The following ELL variants were observed in gnomAD, a reference collection of about 807,000 sequenced individuals.
ELL encodes the protein RNA polymerase II elongation factor ELL.
In ELL, 18 loss-of-function variants were observed where a neutral mutation model predicts 64.0. The observed-to-expected ratio is 0.28, with a 90% CI of 0.19 to 0.42. The LOEUF is 0.42. Ranked by LOEUF, ELL falls within the 10% of genes least tolerant of loss-of-function variation. ELL has a pLI of 1.00. For synonymous variants in ELL, 399 were observed against 376.2 expected (o/e 1.06, Z -0.70); for missense variants, 797 against 870.4 (o/e 0.92, Z 1.06).
intron 1 of ELL, among the ~76,000 whole-genome samples, chr19:18,482,139 T>G (rs1174757720): frequency 6.6e-6 from 1 of 152,132 alleles, no homozygotes; most frequent in Non-Finnish European, 1.5e-5. Flanking sequence ...TTTTACAGGC[T>G]AATGTGCCAT....
chr19:18,499,174 G>A (rs1451921283), intron 1 of ELL, among the ~76,000 whole-genome samples: 2 of 152,314 alleles, frequency 1.3e-5, no homozygotes, highest in Middle Eastern at 3.4e-3. Flanking sequence ...TCCCAGCAGG[G>A]ATGGGAGGGC....
At chr19:18,512,845 G>T (rs1976054678) in intron 1 of ELL, among the ~76,000 whole-genome samples, 1 of 152,098 alleles carries the variant, frequency 6.6e-6, no homozygotes, top group Non-Finnish European at 1.5e-5. Flanking sequence ...ATTGTCAGTG[G>T]GAGCAGCGCC....
At chr19:18,499,547 T>C (rs1282956423) in intron 1 of ELL, among the ~76,000 whole-genome samples, 1 of 152,182 alleles carries the variant, frequency 6.6e-6, no homozygotes, top group Admixed American at 6.5e-5. Context: ...CGGGCCCCTG[T>C]AGACTTCCCA....
rs142001520 is a variant in ELL at position 18,474,383 on chromosome 19, C to A, written c.136-1501G>T. Reference sequence around the variant, plus strand: ...GGTCTACCAGGAGCCCCCTTCTTTGCCAAGTCTCTCCAAGGATTTTGCCAA... The same window carrying A: ...GGTCTACCAGGAGCCCCCTTCTTTGACAAGTCTCTCCAAGGATTTTGCCAA... On this transcript the variant is annotated intron_variant, in intron 1 of 11. Coordinates refer to ENST00000262809, the MANE Select transcript of ELL (RefSeq NM_006532.4). Among the ~76,000 whole-genome samples, 24 of 152,326 alleles carry A rather than the reference C, an allele frequency of 1.6e-4. No homozygotes were observed. The East Asian group carries it at 4.4e-3, about 28-fold the overall frequency.
intron 1 of ELL, among the ~76,000 whole-genome samples, chr19:18,490,825 C>A (rs1488598010): frequency 6.6e-6 from 1 of 152,188 alleles, no homozygotes; most frequent in Non-Finnish European, 1.5e-5. Flanking sequence ...CTGCCATCTG[C>A]AGTTTGGCTA....
At chr19:18,499,640 T>C (rs112651089) in intron 1 of ELL, among the ~76,000 whole-genome samples, 52 of 152,144 alleles carry the variant, frequency 3.4e-4, no homozygotes, top group Non-Finnish European at 5.7e-4. Flanking sequence ...TTCTCATCTG[T>C]AAAATGGGAA....
At chr19:18,518,431 A>G (rs1047651933) in intron 1 of ELL, among the ~76,000 whole-genome samples, 1 of 151,024 alleles carries the variant, frequency 6.6e-6, no homozygotes, top group Non-Finnish European at 1.5e-5. Flanking sequence ...TCGAGGCTGC[A>G]GTGAGCTATG....
At position 18,444,243 on chromosome 19, in the gene ELL, C is replaced by G. The variant is rs1974361227; in HGVS notation, c.*509G>C. ...GCCACCTGCCCATTCCCCACGCCCT[C>G]AGAACGCAGCTGCACCTTTCGACGA... On this transcript the variant is annotated 3_prime_UTR_variant, in exon 12 of 12. Coordinates refer to ENST00000262809, the MANE Select transcript of ELL (RefSeq NM_006532.4). 1 of 232,528 alleles carries G rather than the reference C, an allele frequency of 4.3e-6. No individual in the cohort carries two copies. Among genetic ancestry groups the G allele is most frequent in the Admixed American group, 5.6e-5 (1 of 17,770 alleles). The allele number at this position is 232,528 out of a possible 1,614,324, so 14.4% of individuals were successfully genotyped here.
chr19:18,464,475 C>T (rs144116271), intron 4 of ELL, among the ~76,000 whole-genome samples: 1 of 133,046 alleles, frequency 7.5e-6, no homozygotes, highest in East Asian at 2.0e-4. Context: ...ATGGACAACC[C>T]GGGCTCCCTG....
At chr19:18,471,318 T>C (rs1428910582) in intron 2 of ELL, 1 of 419,780 alleles carries the variant, frequency 2.4e-6, no homozygotes, top group Non-Finnish European at 4.7e-6. Context: ...AAAGCTGAAG[T>C]AAGCTATGGT....
At chr19:18,519,795 A>C (rs2144986142) in intron 1 of ELL, among the ~76,000 whole-genome samples, 1 of 148,518 alleles carries the variant, frequency 6.7e-6, no homozygotes, top group Non-Finnish European at 1.5e-5. Flanking sequence ...CAGCAGAGTG[A>C]AACTCCATCT....
At position 18,521,906 on chromosome 19, in the gene ELL, C is replaced by A. The variant is rs765992524; in HGVS notation, c.135+15G>T. ...GGACGTTCCCCACTGGCGCGCCGGGCGCCATGCCACTCACCTGTCTGGCGC... is the reference window on the plus strand; with the variant it reads ...GGACGTTCCCCACTGGCGCGCCGGGAGCCATGCCACTCACCTGTCTGGCGC... On this transcript the variant is annotated intron_variant, in intron 1 of 11. Transcript: ENST00000262809. 12 of 1,571,710 alleles carry A rather than the reference C, an allele frequency of 7.6e-6. No individual in the cohort carries two copies. Among genetic ancestry groups the A allele is most frequent in the Non-Finnish European group, 6.0e-6 (7 of 1,159,162 alleles).
chr19:18,496,313 T>G (rs890945530), intron 1 of ELL, among the ~76,000 whole-genome samples: 5 of 152,086 alleles, frequency 3.3e-5, no homozygotes, highest in African/African-American at 1.2e-4. Context: ...TCCAGAAAAC[T>G]CCCCTGCATG....
intron 2 of ELL, among the ~76,000 whole-genome samples, chr19:18,470,278 G>C (rs189971573): frequency 6.6e-6 from 1 of 152,272 alleles, no homozygotes; most frequent in African/African-American, 2.4e-5. Flanking sequence ...TGTGTGCTTC[G>C]GCCATGGCCA....
At chr19:18,468,205 C>G (rs934522955) in intron 2 of ELL, among the ~76,000 whole-genome samples, 2 of 141,426 alleles carry the variant, frequency 1.4e-5, no homozygotes, top group African/African-American at 5.9e-5. Flanking sequence ...CAAACACAAC[C>G]CCCACACACA....
chr19:18,505,854 C>G (rs1419780241), intron 1 of ELL, among the ~76,000 whole-genome samples: 1 of 152,154 alleles, frequency 6.6e-6, no homozygotes, highest in Non-Finnish European at 1.5e-5. Context: ...ACCTGACCTC[C>G]CACCCACAGG....
rs772975158 is a variant in ELL at position 18,465,393 on chromosome 19, T to G, written c.469+19A>C. The G allele has an allele frequency of 2.2e-5, 34 of 1,580,808 alleles. No homozygotes were observed. The East Asian group carries it at 6.8e-4, about 32-fold the overall frequency. On this transcript the variant is annotated intron_variant, in intron 4 of 11. Transcript: ENST00000262809. ...CAGCTGCCCGGCTGCCCTACAGCCC[T>G]GCCAAACCCACTGCTCACCCAGGTA... is the stretch of plus-strand genomic sequence containing the variant.
intron 1 of ELL, among the ~76,000 whole-genome samples, chr19:18,474,902 C>A (rs1356950474): frequency 6.6e-6 from 1 of 152,214 alleles, no homozygotes; most frequent in Non-Finnish European, 1.5e-5. Context: ...GTGGGCAGAT[C>A]ACTTGACGTC....
intron 1 of ELL, among the ~76,000 whole-genome samples, chr19:18,508,375 C>T (rs117293951): frequency 1.8e-3 from 280 of 152,332 alleles, no homozygotes; most frequent in Non-Finnish European, 2.7e-3. Context: ...AGGAGGGTAG[C>T]CTGTCCCAGA....
Sources: gnomAD v4.1 joint callset for allele counts (sites outside exome capture counted in the v4.1 genomes callset) on GRCh38, gnomAD v4.1.1 for gene constraint, MANE v1.5 for transcripts, NCBI Gene and HGNC (gene_info 2026-07-23, HGNC 2026-07-21) for gene names.